RBFOX1: variants seen among roughly 807,000 people sequenced by gnomAD.
RBFOX1 encodes the protein RNA binding protein fox-1 homolog 1.
A neutral mutation model predicts 57.7 loss-of-function variants in RBFOX1; 8 were observed. That is an observed-to-expected ratio of 0.14 (90% CI 0.08 to 0.25). RBFOX1 has a LOEUF of 0.25. RBFOX1 is among the 10% of genes least tolerant of loss of function. RBFOX1 has a pLI of 1.00. For missense variants in RBFOX1, 611 were observed against 548.5 expected, an observed-to-expected ratio of 1.11 and a Z score of -1.14; for synonymous variants, 326 against 222.4, an observed-to-expected ratio of 1.47 and a Z score of -4.15.
chr16:6,231,791 T>C (rs1241860219), intron 1 of RBFOX1, among the ~76,000 whole-genome samples: 1 of 151,752 alleles, frequency 6.6e-6, no homozygotes, highest in Non-Finnish European at 1.5e-5. Context: ...ATGTTTTCTA[T>C]GGCTTTTATG....
intron 1 of RBFOX1, among the ~76,000 whole-genome samples, chr16:6,139,535 G>A (rs1236398313): frequency 1.3e-5 from 2 of 152,048 alleles, no homozygotes; most frequent in Non-Finnish European, 2.9e-5. Context: ...AATCCCAAGA[G>A]CCCACTGGTC....
At chr16:5,963,866 C>G (rs1212974712) in intron 4 of RBFOX1, among the ~76,000 whole-genome samples, 2 of 152,028 alleles carry the variant, frequency 1.3e-5, no homozygotes, top group African/African-American at 4.8e-5. Flanking sequence ...GGACATGACA[C>G]AAAAACACAG....
chr16:5,618,514 T>G (rs1257795702), intron 3 of RBFOX1, among the ~76,000 whole-genome samples: 1 of 152,140 alleles, frequency 6.6e-6, no homozygotes, highest in Non-Finnish European at 1.5e-5. Flanking sequence ...ATTTTTTGTA[T>G]TTTTAGTAGA....
At chr16:7,060,085 C>G (rs192383080) in intron 4 of RBFOX1, among the ~76,000 whole-genome samples, 1 of 152,190 alleles carries the variant, frequency 6.6e-6, no homozygotes, top group Admixed American at 6.5e-5. Context: ...TAATCAAACC[C>G]AGAATTGATA....
intron 6 of RBFOX1, among the ~76,000 whole-genome samples, chr16:7,581,006 G>A (rs926065215): frequency 2.6e-5 from 4 of 151,120 alleles, no homozygotes; most frequent in Non-Finnish European, 5.9e-5. Context: ...CAAGTTGGTG[G>A]TGTCTCCATA....
intron 3 of RBFOX1, among the ~76,000 whole-genome samples, chr16:5,858,755 G>T (rs966410218): frequency 5.9e-5 from 9 of 152,204 alleles, no homozygotes; most frequent in Non-Finnish European, 1.2e-4. Flanking sequence ...GTAGGAGATG[G>T]GAAGGGAGGT....
chr16:6,725,617 T>C (rs924399169), intron 3 of RBFOX1, among the ~76,000 whole-genome samples: 5 of 152,222 alleles, frequency 3.3e-5, no homozygotes, highest in Non-Finnish European at 7.3e-5. Context: ...TTGGGGCTGC[T>C]ATGCCTATGG....
rs189376936 is a variant in RBFOX1 at position 5,895,085 on chromosome 16, G to C, written c.351+27750G>C. Reference sequence around the variant, plus strand: ...TACACAAGTACTGAACTCTGAGAGAGAGTGAATCACTTGAATCCACATTTA... The same window carrying C: ...TACACAAGTACTGAACTCTGAGAGACAGTGAATCACTTGAATCCACATTTA... On this transcript the variant is annotated intron_variant, in intron 4 of 19. Coordinates refer to the RBFOX1 transcript ENST00000641259. Among the ~76,000 whole-genome samples the C allele has an allele frequency of 3.9e-5, 6 of 152,324 alleles. No individual in the cohort carries two copies. In the East Asian group the frequency reaches 1.2e-3, roughly 29 times the overall value.
chr16:6,179,926 T>C (rs1420494467), intron 1 of RBFOX1, among the ~76,000 whole-genome samples: 3 of 152,206 alleles, frequency 2.0e-5, no homozygotes, highest in African/African-American at 7.2e-5. Context: ...GGGTGTATTT[T>C]GTCATGAAAG....
intron 3 of RBFOX1, among the ~76,000 whole-genome samples, chr16:5,725,798 C>G (rs1446273514): frequency 7.2e-5 from 11 of 151,970 alleles, no homozygotes; most frequent in Admixed American, 7.2e-4. Flanking sequence ...CCTCTCCCCA[C>G]TCAGGGCTGT....
intron 4 of RBFOX1, among the ~76,000 whole-genome samples, chr16:5,868,570 G>A (rs909971836): frequency 1.3e-5 from 2 of 152,174 alleles, no homozygotes; most frequent in African/African-American, 4.8e-5. Flanking sequence ...ATCCATTCCC[G>A]TTCAAATGTC....
At chr16:7,451,307 C>A (rs906445119) in intron 4 of RBFOX1, among the ~76,000 whole-genome samples, 2 of 152,126 alleles carry the variant, frequency 1.3e-5, no homozygotes, top group African/African-American at 4.8e-5. Context: ...ATGTCTTGAA[C>A]GGATGGTTCT....
intron 3 of RBFOX1, among the ~76,000 whole-genome samples, chr16:6,902,858 A>G (rs779484791): frequency 7.9e-5 from 12 of 152,218 alleles, no homozygotes; most frequent in Non-Finnish European, 1.6e-4. Flanking sequence ...TTATTTATTT[A>G]TAGATTGTTT....
At chr16:7,275,554 G>A (rs890558993) in intron 4 of RBFOX1, among the ~76,000 whole-genome samples, 1 of 152,144 alleles carries the variant, frequency 6.6e-6, no homozygotes, top group Non-Finnish European at 1.5e-5. Context: ...GCTGCTAATT[G>A]CTGGACTTCT....
At chr16:5,318,344 GTCT>G (rs1432302950) in intron 1 of RBFOX1, among the ~76,000 whole-genome samples, 3 of 151,956 alleles carry the variant, frequency 2.0e-5, no homozygotes, top group Non-Finnish European at 4.4e-5. Flanking sequence ...GGCCAGGCTG[GTCT>G]CAAACTCCTG....
chr16:7,398,550 C>G (rs1182850059), intron 4 of RBFOX1, among the ~76,000 whole-genome samples: 2 of 152,192 alleles, frequency 1.3e-5, no homozygotes, highest in African/African-American at 4.8e-5. Flanking sequence ...AGTCGCTTAC[C>G]CAGATGTTAG....
At chr16:7,065,121 A>G (rs983285696) in intron 4 of RBFOX1, among the ~76,000 whole-genome samples, 26 of 152,202 alleles carry the variant, frequency 1.7e-4, no homozygotes, top group Admixed American at 8.5e-4. Context: ...TGTGAGACCA[A>G]TTCTGTATGG....
chr16:5,758,207 C>A (rs1034633166), intron 3 of RBFOX1, among the ~76,000 whole-genome samples: 1 of 152,210 alleles, frequency 6.6e-6, no homozygotes, highest in African/African-American at 2.4e-5. Flanking sequence ...ACAAATGATG[C>A]TATTAATCCT....
At chr16:5,929,636 A>G (rs984518628) in intron 4 of RBFOX1, among the ~76,000 whole-genome samples, 1 of 152,182 alleles carries the variant, frequency 6.6e-6, no homozygotes, top group Non-Finnish European at 1.5e-5. Flanking sequence ...TAATAAAGTG[A>G]AAGACTTCAT....
Sources: gnomAD v4.1 joint callset for allele counts (sites outside exome capture counted in the v4.1 genomes callset) on GRCh38, gnomAD v4.1.1 for gene constraint, MANE v1.5 for transcripts, NCBI Gene and HGNC (gene_info 2026-07-23, HGNC 2026-07-21) for gene names.